Variants in MLIP observed in about 807,000 individuals in gnomAD.
MLIP encodes muscular LMNA-interacting protein.
MLIP carries 79 observed loss-of-function variants against 84.8 expected under a neutral mutation model. That is an observed-to-expected ratio of 0.93 (90% CI 0.78 to 1.12). The LOEUF (loss-of-function observed/expected upper bound fraction) is 1.12, where lower values mean the gene tolerates loss of function less well. Among genes scored for constraint, MLIP ranks in the 50% most tolerant of loss-of-function variants. The pLI, the probability that MLIP is intolerant of heterozygous loss-of-function variation, is 0.00. For synonymous variants in MLIP, 504 were observed against 463.0 expected (o/e 1.09, Z -1.14); for missense variants, 1,257 against 1,160.6 (o/e 1.08, Z -1.21).
intron 11 of MLIP, chr6:54,217,204 G>A: frequency 1.0e-6 from 1 of 985,310 alleles, no homozygotes; most frequent in Non-Finnish European, 1.2e-6. Context: ...CGTGAAGAGG[G>A]GACAGCATGA....
intron 5 of MLIP, among the ~76,000 whole-genome samples, chr6:54,150,053 A>G (rs1773278143): frequency 6.6e-6 from 1 of 152,164 alleles, no homozygotes; most frequent in African/African-American, 2.4e-5. Context: ...GTTGTTTGCC[A>G]ACCAGGTGGT....
chr6:54,093,385 A>ATTCTT (rs1767992850), intron 1 of MLIP, among the ~76,000 whole-genome samples: 1 of 144,184 alleles, frequency 6.9e-6, no homozygotes, highest in Non-Finnish European at 1.5e-5. Context: ...ATTCTATTCT[A>ATTCTT]TTCTATTCTT....
intron 1 of MLIP, among the ~76,000 whole-genome samples, chr6:54,058,449 G>A (rs1324769618): frequency 6.6e-6 from 1 of 152,190 alleles, no homozygotes; most frequent in African/African-American, 2.4e-5. Context: ...GGTTGCATCT[G>A]TCTGGAGAAA....
intron 12 of MLIP, among the ~76,000 whole-genome samples, chr6:54,256,799 T>C (rs1033561118): frequency 6.6e-6 from 1 of 152,178 alleles, no homozygotes; most frequent in Admixed American, 6.6e-5. Flanking sequence ...AGTCTGTATG[T>C]ATTGAGATTA....
At chr6:54,100,251 T>C (rs1208120184) in intron 1 of MLIP, among the ~76,000 whole-genome samples, 1 of 152,058 alleles carries the variant, frequency 6.6e-6, no homozygotes. Flanking sequence ...CTTTGTTGTG[T>C]TTGGTAGTGT....
chr6:54,138,240 C>T lies in MLIP; in HGVS notation c.2171C>T (p.Pro724Leu), dbSNP rs1450244757. ...ACAAGGACAGAGGAGCTGATTTCAC[C>T]TTGTGCATTGTCCATGTCAACAGGC... ...SLTRTEELIS[P>L]CALSMSTGPE... is the part of the protein sequence containing the mutation. Residue 724 changes from proline to leucine, a missense_variant, in exon 4 of 14, where the codon CCT becomes CTT. Transcript: ENST00000502396. 1.3e-6 allele frequency: 2 copies of T among 1,535,922 alleles called. No individual in the cohort carries two copies. Among genetic ancestry groups the T allele is most frequent in the African/African-American group, 2.7e-5 (2 of 73,032 alleles).
At chr6:54,029,741 T>C (rs1764019272) in intron 1 of MLIP, among the ~76,000 whole-genome samples, 1 of 152,214 alleles carries the variant, frequency 6.6e-6, no homozygotes, top group Non-Finnish European at 1.5e-5. Flanking sequence ...TTATGTCATT[T>C]CTAAAAGCTT....
At chr6:54,131,992 T>C (rs2150468255) in intron 3 of MLIP, among the ~76,000 whole-genome samples, 1 of 152,270 alleles carries the variant, frequency 6.6e-6, no homozygotes, top group Middle Eastern at 3.4e-3. Context: ...GACGTGGTCT[T>C]GTATCTTCCA....
intron 1 of MLIP, chr6:54,083,693 G>A: frequency 6.9e-7 from 1 of 1,458,758 alleles, no homozygotes; most frequent in Middle Eastern, 1.7e-4. Flanking sequence ...TGATAGCTGT[G>A]TACTGTCTTT....
intron 1 of MLIP, among the ~76,000 whole-genome samples, chr6:54,087,388 A>G (rs1428299383): frequency 6.6e-6 from 1 of 152,206 alleles, no homozygotes; most frequent in Non-Finnish European, 1.5e-5. Context: ...GTCCATTCTG[A>G]TGACTCAATG....
chr6:54,151,330 T>C (rs995038402), intron 5 of MLIP, among the ~76,000 whole-genome samples: 7 of 152,296 alleles, frequency 4.6e-5, no homozygotes, highest in Admixed American at 6.5e-5. Flanking sequence ...TTTTGAATGA[T>C]ATTGTATTGT....
At chr6:54,180,989 C>T (rs1203170087) in intron 9 of MLIP, among the ~76,000 whole-genome samples, 1 of 152,030 alleles carries the variant, frequency 6.6e-6, no homozygotes, top group Admixed American at 6.6e-5. Flanking sequence ...TTTGAATTAT[C>T]AGGCAGAGAC....
intron 12 of MLIP, among the ~76,000 whole-genome samples, chr6:54,250,597 G>A (rs1381971539): frequency 6.6e-6 from 1 of 152,056 alleles, no homozygotes; most frequent in Non-Finnish European, 1.5e-5. Flanking sequence ...CATTTAATAA[G>A]CACTTTCAAG....
At chr6:54,087,574 G>A (rs886876877) in intron 1 of MLIP, among the ~76,000 whole-genome samples, 1 of 152,116 alleles carries the variant, frequency 6.6e-6, no homozygotes, top group African/African-American at 2.4e-5. Context: ...GGCTATCTTT[G>A]AAAGCTTGGT....
chr6:54,160,575 G>A lies in MLIP; in HGVS notation c.2415G>A (p.Lys805=), dbSNP rs1441063612. The part of the protein sequence containing the change: ...QTEELCATID[K]VLQDSLSMHS... The stretch of plus-strand genomic sequence containing the variant: ...AAGAGCTCTGTGCTACCATTGATAA[G>A]GTCTTACAGGATTCCTTGTCTATGG... The change falls in exon 7 of 14, where the codon AAG becomes AAA. Residue 805 remains lysine, a synonymous_variant. Transcript: ENST00000502396. 2 of 1,611,788 alleles carry A rather than the reference G, an allele frequency of 1.2e-6. No homozygotes were observed. Among genetic ancestry groups the A allele is most frequent in the Non-Finnish European group, 1.7e-6 (2 of 1,178,576 alleles).
chr6:54,042,897 T>C (rs113946891), intron 1 of MLIP, among the ~76,000 whole-genome samples: 59 of 152,254 alleles, frequency 3.9e-4, no homozygotes, highest in African/African-American at 1.4e-3. Flanking sequence ...CACTTAGTAA[T>C]GAAATTTTTG....
At chr6:54,068,746 T>C (rs1237386342) in intron 1 of MLIP, among the ~76,000 whole-genome samples, 1 of 101,010 alleles carries the variant, frequency 9.9e-6, no homozygotes, top group African/African-American at 2.5e-5. Flanking sequence ...ATTTATATAA[T>C]TTTCATTTGA....
At chr6:54,091,204 G>A (rs183732421) in intron 1 of MLIP, among the ~76,000 whole-genome samples, 2 of 152,272 alleles carry the variant, frequency 1.3e-5, no homozygotes, top group East Asian at 3.9e-4. Flanking sequence ...ACCCCTGGTT[G>A]ATGAGTGAAA....
chr6:54,177,216 G>A (rs576655557), intron 9 of MLIP, among the ~76,000 whole-genome samples: 1 of 151,778 alleles, frequency 6.6e-6, no homozygotes, highest in Non-Finnish European at 1.5e-5. Context: ...TAATTAACGA[G>A]CTTTTGCACA....
Sources: allele counts gnomAD v4.1 joint callset (sites outside exome capture counted in the v4.1 genomes callset), GRCh38; gene constraint gnomAD v4.1.1; transcripts MANE v1.5; gene names NCBI Gene and HGNC (gene_info 2026-07-23, HGNC 2026-07-21).